IL5RA: variants seen among roughly 807,000 people sequenced by gnomAD.
IL5RA encodes interleukin-5 receptor subunit alpha.
IL5RA carries 49 observed loss-of-function variants against 50.0 expected under a neutral mutation model. The ratio of observed to expected loss-of-function variants is 0.98; its 90% CI spans 0.78 to 1.24. The LOEUF (loss-of-function observed/expected upper bound fraction) is 1.24. IL5RA is among the 50% of genes most tolerant of loss of function. IL5RA has a pLI of 0.00. For synonymous variants in IL5RA, 202 were observed against 174.0 expected, an observed-to-expected ratio of 1.16 and a Z score of -1.26; for missense variants, 600 against 500.4, an observed-to-expected ratio of 1.20 and a Z score of -1.90.
rs186292449 is a variant in IL5RA, at chr3:3,068,449, C to T, written c.*1776G>A. 6.6e-6 allele frequency: 1 copy of T among 151,996 alleles called. No homozygotes were observed. The highest frequency in any genetic ancestry group is 2.4e-5 in the African/African-American group (1 of 41,384). 9.4% of individuals were successfully genotyped at this position (151,996 alleles called of 1,614,324 possible). ...AAAGAGCTGGGAATGGTGTTATGCA[C>T]CTGTAGTCCCAGCTACTTGGGAGGG... On this transcript the variant is annotated 3_prime_UTR_variant, in exon 12 of 12. Coordinates refer to ENST00000446632, the MANE Select transcript of IL5RA (RefSeq NM_175726.4).
At chr3:3,080,374 G>A (rs959552625) in intron 9 of IL5RA, among the ~76,000 whole-genome samples, 4 of 152,160 alleles carry the variant, frequency 2.6e-5, no homozygotes, top group Non-Finnish European at 4.4e-5. Flanking sequence ...CAACCAGTCC[G>A]TGCTCTTAGC....
intron 9 of IL5RA, among the ~76,000 whole-genome samples, chr3:3,078,714 G>T (rs1223463607): frequency 2.0e-5 from 3 of 152,000 alleles, no homozygotes; most frequent in African/African-American, 7.2e-5. Flanking sequence ...CATGCTTGTA[G>T]TCCCAGCTAC....
intron 2 of IL5RA, among the ~76,000 whole-genome samples, chr3:3,108,061 A>C (rs1424581384): frequency 1.3e-5 from 2 of 152,216 alleles, no homozygotes; most frequent in African/African-American, 4.8e-5. Context: ...TTAGTGGCAG[A>C]AATTGTAAAG....
chr3:3,091,563 C>G (rs1703102974), intron 9 of IL5RA, among the ~76,000 whole-genome samples: 1 of 152,122 alleles, frequency 6.6e-6, no homozygotes, highest in Admixed American at 6.5e-5. Flanking sequence ...GAAACCCTGT[C>G]TCTACTAAAA....
rs1194594684 is a variant in IL5RA, at chr3:3,088,697, G to A, written c.994+3527C>T. ...AAAGCATAACTAACTTCTTATCTAG[G>A]ATTCTGACCTTGGTATCCATCATCT... On this transcript the variant is annotated intron_variant, in intron 9 of 11. Coordinates refer to ENST00000446632, the MANE Select transcript of IL5RA (RefSeq NM_175726.4). 5.3e-5 allele frequency among the ~76,000 whole-genome samples: 8 copies of A among 152,210 alleles called. No homozygotes were observed. The East Asian group carries it at 1.5e-3, about 29-fold the overall frequency.
intron 9 of IL5RA, among the ~76,000 whole-genome samples, chr3:3,080,556 G>A (rs1702628166): frequency 6.6e-6 from 1 of 152,146 alleles, no homozygotes; most frequent in Admixed American, 6.5e-5. Flanking sequence ...TCTATTGTTT[G>A]TATCCCCGTT....
Position 3,092,136 on chromosome 3 carries a change from G to C in IL5RA, c.994+88C>G, listed in dbSNP as rs1703143437. On this transcript the variant is annotated intron_variant, in intron 9 of 11. Coordinates refer to ENST00000446632, the MANE Select transcript of IL5RA (RefSeq NM_175726.4). This position sits in a 1 kb window ranked among gnomAD's most constrained non-coding sequence, Gnocchi z 4.2. ...CAATAGAGATATGAAACCATTTTAA[G>C]ACCCACGAGTGAACGGGTACGTTTC... The C allele has an allele frequency of 6.5e-7, 1 of 1,537,336 alleles. No individual in the cohort carries two copies. The highest frequency in any genetic ancestry group is 8.7e-7 in the Non-Finnish European group (1 of 1,149,122).
intron 9 of IL5RA, among the ~76,000 whole-genome samples, chr3:3,082,674 G>A (rs1438800864): frequency 6.6e-6 from 1 of 152,336 alleles, no homozygotes; most frequent in African/African-American, 2.4e-5. Flanking sequence ...TGGGACAGTG[G>A]CAACACAGAG....
chr3:3,098,380 G>T, intron 5 of IL5RA, 90 bp from the exon 6 acceptor site: 1 of 1,116,148 alleles, frequency 9.0e-7, no homozygotes, highest in Non-Finnish European at 1.3e-6. Flanking sequence ...TGTGAACGTC[G>T]TATTCATCAC....
At chr3:3,096,864 C>T (rs568880534) in intron 7 of IL5RA, among the ~76,000 whole-genome samples, 3 of 152,264 alleles carry the variant, frequency 2.0e-5, no homozygotes, top group East Asian at 3.9e-4. Context: ...TTTATTAAAC[C>T]TTTATGCCAG....
intron 9 of IL5RA, among the ~76,000 whole-genome samples, chr3:3,079,755 G>C (rs1426443874): frequency 6.6e-6 from 1 of 152,090 alleles, no homozygotes; most frequent in Non-Finnish European, 1.5e-5. Context: ...GCCTTTTTGG[G>C]CCGGGTGTGT....
chr3:3,102,418 A>G (rs1486334193), intron 4 of IL5RA, among the ~76,000 whole-genome samples: 8 of 152,238 alleles, frequency 5.3e-5, no homozygotes, highest in Admixed American at 5.2e-4. Context: ...CATGGTGCCT[A>G]AAAAGTTACT....
At chr3:3,103,956 A>T (rs991629704) in intron 3 of IL5RA, among the ~76,000 whole-genome samples, 3 of 152,302 alleles carry the variant, frequency 2.0e-5, no homozygotes, top group Admixed American at 6.5e-5. Context: ...TGTTTACCAC[A>T]TGAGGACTTT....
At position 3,074,842 on chromosome 3, in the gene IL5RA, AAAC is replaced by A. The variant is rs1320311931; in HGVS notation, c.1113_1115del (p.Leu371del). 1.9e-6 allele frequency: 3 copies of A among 1,608,880 alleles called. No homozygotes were observed. The African/African-American group carries it at 4.0e-5, about 22-fold the overall frequency. ...TACTTTTTGGTGCTGGAATTGGTGG[AAAC>A]AACTTGATCCATAAATGACATCTGA... On this transcript the variant is annotated inframe_deletion, in exon 11 of 12. Coordinates refer to ENST00000446632, the MANE Select transcript of IL5RA (RefSeq NM_175726.4).
At chr3:3,086,697 G>C (rs1473388418) in intron 9 of IL5RA, among the ~76,000 whole-genome samples, 1 of 151,992 alleles carries the variant, frequency 6.6e-6, no homozygotes, top group African/African-American at 2.4e-5. Context: ...TCAAATTGTA[G>C]GCCTCATTTA....
In IL5RA at chr3:3,066,821, T is replaced by A. The variant is rs992033749; in HGVS notation, c.*3404A>T. 5 of 152,232 alleles carry A rather than the reference T, an allele frequency of 3.3e-5. No homozygotes were observed. The highest frequency in any genetic ancestry group is 7.3e-5 in the Non-Finnish European group (5 of 68,096). The allele number at this position is 152,232 out of a possible 1,614,324, so 9.4% of individuals were successfully genotyped here. A position where few individuals can be genotyped will look rare whatever the true frequency, so the allele number is the denominator to read the frequency against. ...GTCGGGCTGTTGGCAAATGTGACCTTCACCCTCCAGTCTCCCCAGCACTCC... is the reference window on the plus strand; with the variant it reads ...GTCGGGCTGTTGGCAAATGTGACCTACACCCTCCAGTCTCCCCAGCACTCC... On this transcript the variant is annotated 3_prime_UTR_variant, in exon 12 of 12. Coordinates refer to ENST00000446632, the MANE Select transcript of IL5RA (RefSeq NM_175726.4).
rs780642917 is a variant in IL5RA, at chr3:3,098,295, G to A, written c.368-5C>T. On this transcript the variant is annotated splice_polypyrimidine_tract_variant and splice_region_variant and intron_variant, in intron 5 of 11. Coordinates refer to ENST00000446632, the MANE Select transcript of IL5RA (RefSeq NM_175726.4). Reference sequence around the variant, plus strand: ...CAATTGAGGTTCCAGGAGACCCTAGGTAGTCAAAAGTAAAAAGGACAAAAC... The same window carrying A: ...CAATTGAGGTTCCAGGAGACCCTAGATAGTCAAAAGTAAAAAGGACAAAAC... 1.2e-6 allele frequency: 2 copies of A among 1,612,626 alleles called. No homozygotes were observed. The highest frequency in any genetic ancestry group is 2.2e-5 in the South Asian group (2 of 91,016).
intron 7 of IL5RA, among the ~76,000 whole-genome samples, chr3:3,095,990 G>T (rs986406669): frequency 6.6e-6 from 1 of 152,200 alleles, no homozygotes; most frequent in Non-Finnish European, 1.5e-5. Context: ...CAAAAAGAAT[G>T]GATTGGGGCA....
intron 5 of IL5RA, among the ~76,000 whole-genome samples, chr3:3,100,583 T>C (rs1044718111): frequency 2.0e-5 from 3 of 152,236 alleles, no homozygotes; most frequent in Non-Finnish European, 4.4e-5. Flanking sequence ...ATCATTTAAG[T>C]GAATTCCACT....
Sources: gnomAD v4.1 joint callset for allele counts (sites outside exome capture counted in the v4.1 genomes callset) on GRCh38, gnomAD v4.1.1 for gene constraint, Gnocchi (gnomAD v3.1) non-coding constraint, MANE v1.5 for transcripts, NCBI Gene and HGNC (gene_info 2026-07-23, HGNC 2026-07-21) for gene names.